Variants in EFHB observed in about 807,000 individuals in gnomAD.
EFHB encodes the protein EF-hand domain family member B.
EFHB carries 91 observed loss-of-function variants against 87.2 expected under a neutral mutation model. The ratio of observed to expected loss-of-function variants is 1.04; its 90% CI spans 0.88 to 1.24. The LOEUF is 1.24. Among genes scored for constraint, EFHB ranks in the 50% most tolerant of loss-of-function variants. EFHB has a pLI of 0.00. For synonymous variants in EFHB, 325 were observed against 333.6 expected, an observed-to-expected ratio of 0.97 and a Z score of 0.28; for missense variants, 1,084 against 998.8, an observed-to-expected ratio of 1.09 and a Z score of -1.15.
intron 5 of EFHB, 41 bp downstream of exon 5, chr3:19,915,262 T>C: frequency 7.5e-7 from 1 of 1,326,760 alleles, no homozygotes; most frequent in Non-Finnish European, 1.1e-6. Context: ...AATCCGAGAG[T>C]CCCATATCCT....
Position 19,933,266 on chromosome 3 carries a change from A to G in EFHB, c.753T>C (p.Ser251=), listed in dbSNP as rs902151032. 7 of 1,613,722 alleles carry G rather than the reference A, an allele frequency of 4.3e-6. No individual in the cohort carries two copies. The highest frequency in any genetic ancestry group is 1.1e-5 in the South Asian group (1 of 91,020). The part of the protein sequence containing the change: ...EPPDRIRPIY[S]GKFFDRTPCW... Reference sequence around the variant, plus strand: ...AAGGGGTCCGATCAAAAAACTTCCCAGAGTATATGGGTCTGATGCGATCTG... The same window carrying G: ...AAGGGGTCCGATCAAAAAACTTCCCGGAGTATATGGGTCTGATGCGATCTG... Residue 251 remains serine, a synonymous_variant, in exon 1 of 13, where the codon TCT becomes TCC. Coordinates refer to ENST00000295824, the MANE Select transcript of EFHB (RefSeq NM_144715.4).
At chr3:19,897,413 G>A (rs1255708001) in intron 8 of EFHB, among the ~76,000 whole-genome samples, 1 of 152,042 alleles carries the variant, frequency 6.6e-6, no homozygotes, top group Non-Finnish European at 1.5e-5. Context: ...TAAGAGTCCT[G>A]ACCCACACCC....
At chr3:19,938,913 TG>T (rs1025571524), upstream of EFHB, among the ~76,000 whole-genome samples, 2 of 152,150 alleles carry the variant, frequency 1.3e-5, no homozygotes, top group Non-Finnish European at 2.9e-5. Flanking sequence ...GGTTTGCTTT[TG>T]TTTTGTTTTT....
intron 1 of EFHB, chr3:19,942,520 G>C (rs1400493094): frequency 6.6e-6 from 1 of 151,770 alleles, no homozygotes; most frequent in African/African-American, 2.4e-5. Flanking sequence ...TAGGATCGGG[G>C]GAAGATAGTT....
Position 19,896,731 on chromosome 3 carries a change from G to A in EFHB, c.1681C>T (p.Gln561Ter). 1 of 1,613,962 alleles carries A rather than the reference G, an allele frequency of 6.2e-7. No homozygotes were observed. The highest frequency in any genetic ancestry group is 8.5e-7 in the Non-Finnish European group (1 of 1,179,876). ...GCTGCCAGCAAAGTGTCAAACTTTT[G>A]GTAATTAACTTTCTTCAGGTGATGC... Reference protein sequence around the residue: ...VRHHLKKVNYQKFDTLLAAFR... With the variant: ...VRHHLKKVNY Residue 561 changes from glutamine (Q) to a stop codon, truncating the protein, a stop_gained, in exon 9 of 13, where the codon CAA becomes TAA. Transcript: ENST00000295824. LOFTEE classifies it high-confidence loss of function.
intron 1 of EFHB, among the ~76,000 whole-genome samples, chr3:19,944,370 A>C (rs572941301): frequency 6.6e-6 from 1 of 152,324 alleles, no homozygotes; most frequent in South Asian, 2.1e-4. Context: ...ACAGTGTTTA[A>C]GTCTTCATGA....
upstream of EFHB, among the ~76,000 whole-genome samples, chr3:19,935,363 G>A (rs1331042800): frequency 1.3e-5 from 2 of 151,828 alleles, no homozygotes; most frequent in Admixed American, 1.3e-4. Flanking sequence ...AGTATATTTG[G>A]TAAATATTTG....
chr3:19,882,531 G>T lies in EFHB; in HGVS notation c.2328+19C>A. ...TGATAGAGAAAACATTTCCATTTTT[G>T]TATGCTTATATGCTATACCTCTTCT... On this transcript the variant is annotated intron_variant, in intron 12 of 12. Transcript: ENST00000295824. 2 of 1,464,572 alleles carry T rather than the reference G, an allele frequency of 1.4e-6. No individual in the cohort carries two copies. The highest frequency in any genetic ancestry group is 1.4e-5 in the African/African-American group (1 of 71,334). The allele number at this position is 1,464,572 out of a possible 1,614,324, so 90.7% of individuals were successfully genotyped here. A position where few individuals can be genotyped will look rare whatever the true frequency, so the allele number is the denominator to read the frequency against.
rs187885272 is a variant in EFHB, at chr3:19,939,402, G to A, written c.-31-3068C>T. On this transcript the variant is annotated intron_variant, in intron 1 of 14. Transcript: ENST00000344838. Reference sequence around the variant, plus strand: ...TTTTTTTTTTTTTTTTTTTTTTTTGGGATGGAGTCTCACTCTGTCGCGCCC... The same window carrying A: ...TTTTTTTTTTTTTTTTTTTTTTTTGAGATGGAGTCTCACTCTGTCGCGCCC... 8.0e-3 allele frequency among the ~76,000 whole-genome samples: 184 copies of A among 23,064 alleles called. 1 individual carries two copies. Among genetic ancestry groups the A allele is most frequent in the African/African-American group, 0.022 (142 of 6,492 alleles). The allele number at this position is 23,064 out of a possible 152,430, so 15.1% of individuals were successfully genotyped here. A position where few individuals can be genotyped will look rare whatever the true frequency, so the allele number is the denominator to read the frequency against.
intron 7 of EFHB, 94 bp downstream of exon 7, chr3:19,899,338 A>G (rs202106827): frequency 1.3e-6 from 1 of 761,362 alleles, no homozygotes; most frequent in Non-Finnish European, 2.0e-6. Flanking sequence ...TATTTAATAG[A>G]TAGAATCTAA....
intron 1 of EFHB, among the ~76,000 whole-genome samples, chr3:19,944,151 G>T (rs1696220491): frequency 1.3e-5 from 2 of 152,144 alleles, no homozygotes; most frequent in Admixed American, 6.6e-5. Context: ...GAAAAATTTT[G>T]AATTGTCTCC....
intron 3 of EFHB, 140 bp downstream of exon 3, chr3:19,919,693 T>C: frequency 1.2e-6 from 1 of 866,132 alleles, no homozygotes; most frequent in Non-Finnish European, 1.8e-6. Context: ...ATAAATGCTT[T>C]TGGAAGACAG....
intron 6 of EFHB, 140 bp downstream of exon 6, chr3:19,905,480 G>A: frequency 1.0e-6 from 1 of 981,772 alleles, no homozygotes; most frequent in Non-Finnish European, 1.5e-6. Flanking sequence ...ACATTACACT[G>A]TTTTTTCTAT....
At chr3:19,922,416 C>T (rs970048176) in intron 1 of EFHB, among the ~76,000 whole-genome samples, 1 of 152,236 alleles carries the variant, frequency 6.6e-6, no homozygotes, top group South Asian at 2.1e-4. Flanking sequence ...CACAAACTCT[C>T]AACCCCTCTT....
intron 1 of EFHB, among the ~76,000 whole-genome samples, chr3:19,924,888 T>G (rs994945153): frequency 2.0e-5 from 3 of 151,700 alleles, no homozygotes; most frequent in African/African-American, 7.3e-5. Context: ...AAAAAAGAAA[T>G]AAAGATCTGG....
chr3:19,908,584 G>GAA (rs1559459607), intron 5 of EFHB, among the ~76,000 whole-genome samples: 8 of 96,474 alleles, frequency 8.3e-5, no homozygotes, highest in African/African-American at 3.2e-4. Flanking sequence ...GAGAGAGAGA[G>GAA]AGAGAGAGAG....
chr3:19,934,114 C>T lies in EFHB; in HGVS notation c.-96G>A, dbSNP rs1353021949. On this transcript the variant is annotated 5_prime_UTR_variant, in exon 1 of 13. Coordinates refer to ENST00000295824, the MANE Select transcript of EFHB (RefSeq NM_144715.4). Reference sequence around the variant, plus strand: ...AAGACGCCTCCAATCCCTTGCGGAACCCCTCTCTCAGGAAAGAGCACAACC... The same window carrying T: ...AAGACGCCTCCAATCCCTTGCGGAATCCCTCTCTCAGGAAAGAGCACAACC... The T allele has an allele frequency of 2.0e-6, 3 of 1,468,196 alleles. No homozygotes were observed. The highest frequency in any genetic ancestry group is 2.8e-5 in the African/African-American group (2 of 70,600). 90.9% of individuals were successfully genotyped at this position (1,468,196 alleles called of 1,614,324 possible). A position where few individuals can be genotyped will look rare whatever the true frequency, so the allele number is the denominator to read the frequency against.
rs776602874 is a variant in EFHB at position 19,896,694 on chromosome 3, T to C, written c.1718A>G (p.Tyr573Cys). The C allele has an allele frequency of 3.1e-6, 5 of 1,613,898 alleles. 1 individual carries two copies. The Admixed American group carries it at 8.3e-5, about 27-fold the overall frequency. ...FDTLLAAFRH[Y>C]DKKGDGMIDK... ...CTCTCCCCCATTACTGGCCTTGTCA[T>C]AGTGCCTGAAGGCTGCCAGCAAAGT... is the stretch of plus-strand genomic sequence containing the variant. The change falls in exon 9 of 13, where the codon TAT (tyrosine) becomes TGT (cysteine). Residue 573 changes from tyrosine to cysteine, a missense_variant. Coordinates refer to ENST00000295824, the MANE Select transcript of EFHB (RefSeq NM_144715.4).
At chr3:19,916,463 C>T (rs1262628331) in intron 4 of EFHB, among the ~76,000 whole-genome samples, 81 of 151,786 alleles carry the variant, frequency 5.3e-4, no homozygotes, top group Non-Finnish European at 1.0e-3. Flanking sequence ...TGCAGGGAGC[C>T]AAGATCACGA....
Sources: allele counts gnomAD v4.1 joint callset (sites outside exome capture counted in the v4.1 genomes callset), GRCh38; gene constraint gnomAD v4.1.1; transcripts MANE v1.5; gene names NCBI Gene and HGNC (gene_info 2026-07-23, HGNC 2026-07-21).